FRMPD4: variants seen among roughly 807,000 people sequenced by gnomAD.
The protein encoded by FRMPD4 is FERM and PDZ domain-containing protein 4.
FRMPD4 carries 22 observed loss-of-function variants against 94.1 expected under a neutral mutation model. The ratio of observed to expected loss-of-function variants is 0.23; its 90% CI spans 0.17 to 0.33. The LOEUF is 0.33. FRMPD4 is among the 10% of genes least tolerant of loss of function. The probability of loss-of-function intolerance (pLI) is 1.00; values close to 1 mark genes in which losing one functional copy is unlikely to be tolerated. For synonymous variants in FRMPD4, 631 were observed against 548.6 expected, an observed-to-expected ratio of 1.15 and a Z score of -2.10; for missense variants, 1,111 against 1,339.9, an observed-to-expected ratio of 0.83 and a Z score of 2.67.
At chrX:12,113,324 C>T (rs1173675763) in intron 3 of FRMPD4, among the ~76,000 whole-genome samples, 1 of 112,219 alleles carries the variant, frequency 8.9e-6, no homozygotes, top group Non-Finnish European at 1.9e-5. Flanking sequence ...AACAAATTAC[C>T]ACAAACTTAG....
At chrX:12,589,297 G>A (rs773829355) in intron 2 of FRMPD4, among the ~76,000 whole-genome samples, 50 of 111,586 alleles carry the variant, frequency 4.5e-4, no homozygotes, top group Non-Finnish European at 8.3e-4. Flanking sequence ...TCAAGAAAGT[G>A]GAAATACCAT....
intron 4 of FRMPD4, among the ~76,000 whole-genome samples, chrX:12,622,017 AG>A (rs1317390677): frequency 2.0e-5 from 1 of 49,114 alleles, no homozygotes; most frequent in African/African-American, 1.2e-4. Context: ...AAAGAAAGAA[AG>A]GAAGGAAGGA....
chrX:11,906,129 T>G (rs1026462607), intron 3 of FRMPD4, among the ~76,000 whole-genome samples: 216 of 101,875 alleles, frequency 2.1e-3, no homozygotes, highest in African/African-American at 7.2e-3. Context: ...ATTTATTTAT[T>G]TATTTATTTA....
chrX:12,464,608 G>A (rs758939146), intron 1 of FRMPD4, among the ~76,000 whole-genome samples: 11 of 111,706 alleles, frequency 9.8e-5, no homozygotes, highest in African/African-American at 3.6e-4. Flanking sequence ...TAAGAGACAG[G>A]GCTAATAGGG....
At chrX:11,854,544 G>A (rs1474346241) in intron 1 of FRMPD4, among the ~76,000 whole-genome samples, 1 of 112,383 alleles carries the variant, frequency 8.9e-6, no homozygotes, top group Non-Finnish European at 1.9e-5. Context: ...TGGGGGTATA[G>A]GCATTGGGTA....
At chrX:12,152,324 C>A in intron 1 of FRMPD4, among the ~76,000 whole-genome samples, 1 of 111,593 alleles carries the variant, frequency 9.0e-6, no homozygotes, top group South Asian at 3.7e-4. Context: ...GAATAAAGAA[C>A]AAGGAAACAC....
chrX:12,165,273 G>C (rs1601648745), intron 1 of FRMPD4, among the ~76,000 whole-genome samples: 1 of 112,431 alleles, frequency 8.9e-6, no homozygotes. Context: ...CATATGGCCA[G>C]CCAGTTTTCC....
At chrX:12,061,373 T>C (rs191076611) in intron 3 of FRMPD4, among the ~76,000 whole-genome samples, 1 of 112,095 alleles carries the variant, frequency 8.9e-6, no homozygotes, top group East Asian at 2.8e-4. Context: ...TAACTTCTAC[T>C]CTGTTTTCAG....
At chrX:11,961,742 C>T (rs1333041293) in intron 3 of FRMPD4, among the ~76,000 whole-genome samples, 14 of 110,119 alleles carry the variant, frequency 1.3e-4, no homozygotes, top group Admixed American at 8.7e-4. Context: ...CTTCACTATG[C>T]GGTACCTTCA....
chrX:12,392,185 C>T (rs1292677232), intron 1 of FRMPD4, among the ~76,000 whole-genome samples: 3 of 107,608 alleles, frequency 2.8e-5, no homozygotes, highest in Non-Finnish European at 5.8e-5. Flanking sequence ...GGACTACAGG[C>T]GAGCACCACC....
intron 1 of FRMPD4, among the ~76,000 whole-genome samples, chrX:12,321,069 A>G (rs1004012768): frequency 8.9e-6 from 1 of 112,405 alleles, no homozygotes; most frequent in Non-Finnish European, 1.9e-5. Context: ...AATATTCCAT[A>G]ATCATGGCTA....
chrX:12,006,365 G>A (rs2054554327), intron 3 of FRMPD4, among the ~76,000 whole-genome samples: 1 of 112,224 alleles, frequency 8.9e-6, no homozygotes, highest in South Asian at 3.7e-4. Context: ...TTATATTGAA[G>A]AAGGGATAAC....
At chrX:12,467,314 C>A (rs1369422451) in intron 1 of FRMPD4, among the ~76,000 whole-genome samples, 1 of 111,723 alleles carries the variant, frequency 9.0e-6, no homozygotes, top group Non-Finnish European at 1.9e-5. Flanking sequence ...GCTTGTTAAT[C>A]AAATTTCCAA....
intron 3 of FRMPD4, among the ~76,000 whole-genome samples, chrX:12,122,626 G>A (rs1475222133): frequency 9.2e-6 from 1 of 108,573 alleles, no homozygotes; most frequent in Non-Finnish European, 1.9e-5. Flanking sequence ...ACTTTGAAGA[G>A]TTTTCTGTTA....
At chrX:11,997,299 C>T (rs781405167) in intron 3 of FRMPD4, among the ~76,000 whole-genome samples, 72 of 111,087 alleles carry the variant, frequency 6.5e-4, no homozygotes, top group African/African-American at 2.2e-3. Flanking sequence ...TTCAGTAATT[C>T]AATTCTAATG....
intron 3 of FRMPD4, among the ~76,000 whole-genome samples, chrX:12,015,051 C>T: frequency 9.0e-6 from 1 of 111,420 alleles, no homozygotes; most frequent in East Asian, 2.8e-4. Flanking sequence ...TGCTGCATTT[C>T]TGTAACTGGC....
intron 1 of FRMPD4, 42 bp downstream of exon 1, chrX:12,139,054 C>T: frequency 1.9e-6 from 2 of 1,043,491 alleles, no homozygotes; most frequent in Non-Finnish European, 2.5e-6. Context: ...GGGCCGCTGC[C>T]GCGGGCAACT....
chrX:12,501,214 A>C, intron 2 of FRMPD4, among the ~76,000 whole-genome samples: 1 of 112,764 alleles, frequency 8.9e-6, no homozygotes. Flanking sequence ...GCAAATCAGC[A>C]GCTTAATAGA....
chrX:12,649,423 C>T (rs2059577707), intron 4 of FRMPD4, among the ~76,000 whole-genome samples: 1 of 111,357 alleles, frequency 9.0e-6, no homozygotes, highest in African/African-American at 3.3e-5. Flanking sequence ...AGATATGATT[C>T]AGGGCTGTGT....
Sources: allele counts gnomAD v4.1 joint callset (sites outside exome capture counted in the v4.1 genomes callset), GRCh38; gene constraint gnomAD v4.1.1; transcripts MANE v1.5; gene names NCBI Gene and HGNC (gene_info 2026-07-23, HGNC 2026-07-21).